Variants in STK32B observed in about 807,000 individuals in gnomAD.
STK32B encodes serine/threonine-protein kinase 32B.
Under a neutral mutation model 52.6 loss-of-function variants are expected in STK32B, and 43 were observed. The observed-to-expected ratio is 0.82, with a 90% CI of 0.64 to 1.05. The LOEUF (loss-of-function observed/expected upper bound fraction) is 1.05, where lower values mean the gene tolerates loss of function less well. STK32B is among the 50% of genes least tolerant of loss of function. STK32B has a pLI of 0.00. For missense variants in STK32B, 621 were observed against 534.6 expected (o/e 1.16, Z -1.59); for synonymous variants, 238 against 204.3 (o/e 1.17, Z -1.41).
intron 3 of STK32B, among the ~76,000 whole-genome samples, chr4:5,189,013 TTAAA>T (rs1209174064): frequency 1.3e-5 from 2 of 148,728 alleles, no homozygotes; most frequent in Non-Finnish European, 3.0e-5. Flanking sequence ...AAGGTATAAT[TTAAA>T]AAAAAAAAAG....
In STK32B at chr4:5,426,692, C is replaced by CAAAAAAAAA. The variant is rs746246839; in HGVS notation, c.562+9772_562+9780dup. On this transcript the variant is annotated intron_variant, in intron 6 of 11. Coordinates refer to ENST00000282908, the MANE Select transcript of STK32B (RefSeq NM_018401.3). ...GCAACAGGGCGAGACTCCATCTAAA[C>CAAAAAAAAA]AAAAAAAAAAAAAAAAAAAAAAGGA... is the stretch of plus-strand genomic sequence containing the variant. 1.4e-3 allele frequency among the ~76,000 whole-genome samples: 106 copies of CAAAAAAAAA among 77,924 alleles called. 1 individual carries two copies. The highest frequency in any genetic ancestry group is 2.3e-3 in the East Asian group (5 of 2,218). The allele number at this position is 77,924 out of a possible 152,430, so 51.1% of individuals were successfully genotyped here.
chr4:5,318,455 A>G (rs1335357552), intron 3 of STK32B, among the ~76,000 whole-genome samples: 1 of 152,134 alleles, frequency 6.6e-6, no homozygotes, highest in Admixed American at 6.5e-5. Context: ...AATGAAAGCC[A>G]AAATAAATAG....
intron 9 of STK32B, among the ~76,000 whole-genome samples, 169 bp from the exon 10 acceptor site, chr4:5,466,534 A>G (rs1346747348): frequency 6.6e-6 from 1 of 152,116 alleles, no homozygotes; most frequent in Non-Finnish European, 1.5e-5. Context: ...TACAGTGAGA[A>G]CGTGTTGCTT....
chr4:5,126,495 C>A (rs1348821268), intron 1 of STK32B, among the ~76,000 whole-genome samples: 2 of 152,252 alleles, frequency 1.3e-5, no homozygotes, highest in Non-Finnish European at 1.5e-5. Flanking sequence ...GCTACTCACA[C>A]TGCCCAGTGT....
rs902329958 is a variant in STK32B, at chr4:5,395,233, G to A, written c.435-2974G>A. On this transcript the variant is annotated intron_variant, in intron 4 of 11. Coordinates refer to ENST00000282908, the MANE Select transcript of STK32B (RefSeq NM_018401.3). The surrounding 1 kb of genome is among the most constrained non-coding windows in gnomAD (Gnocchi z 4.4). ...GAGTCATATAATGTAACATAATCCC[G>A]GGACTGCCATCCCACCAAGTTTGCC... Among the ~76,000 whole-genome samples, 8 of 152,086 alleles carry A rather than the reference G, an allele frequency of 5.3e-5. No homozygotes were observed. The highest frequency in any genetic ancestry group is 1.4e-4 in the African/African-American group (6 of 41,418).
chr4:5,452,758 A>AT (rs1349562921), intron 7 of STK32B, among the ~76,000 whole-genome samples: 1 of 152,072 alleles, frequency 6.6e-6, no homozygotes, highest in Non-Finnish European at 1.5e-5. Context: ...TCTGTCTTCT[A>AT]TTTTTTGGTA....
At chr4:5,230,152 CAGA>C (rs1560241800) in intron 3 of STK32B, among the ~76,000 whole-genome samples, 1 of 134,922 alleles carries the variant, frequency 7.4e-6, no homozygotes, top group African/African-American at 2.8e-5. Flanking sequence ...CTCTAGCAAA[CAGA>C]AGAACACTCA....
chr4:5,117,022 G>T (rs549793729), intron 1 of STK32B, among the ~76,000 whole-genome samples: 1 of 152,242 alleles, frequency 6.6e-6, no homozygotes, highest in African/African-American at 2.4e-5. Context: ...GAATTCATTT[G>T]TTAGTTTTAA....
chr4:5,427,045 G>T (rs913021380), intron 6 of STK32B: 1 of 152,184 alleles, frequency 6.6e-6, no homozygotes, highest in Non-Finnish European at 1.5e-5. Context: ...GGTTTTTGCA[G>T]TTCTTTATAA....
chr4:5,146,662 C>T (rs1716940803), intron 2 of STK32B, among the ~76,000 whole-genome samples: 1 of 152,202 alleles, frequency 6.6e-6, no homozygotes. Flanking sequence ...TTGCATCCTT[C>T]AATCCAGTCA....
chr4:5,170,649 T>C (rs1035922867), intron 3 of STK32B, among the ~76,000 whole-genome samples: 1 of 152,230 alleles, frequency 6.6e-6, no homozygotes, highest in African/African-American at 2.4e-5. Context: ...TCATCATTTT[T>C]AATGGCTGCA....
intron 5 of STK32B, among the ~76,000 whole-genome samples, chr4:5,406,750 G>C (rs1364994908): frequency 6.6e-6 from 1 of 152,150 alleles, no homozygotes; most frequent in African/African-American, 2.4e-5. Context: ...AGGTTAGGCA[G>C]GGCAGCAGAG....
chr4:5,400,588 T>C lies in STK32B; in HGVS notation c.472+2344T>C, dbSNP rs1322835751. 2.0e-5 allele frequency among the ~76,000 whole-genome samples: 3 copies of C among 152,262 alleles called. No individual in the cohort carries two copies. The South Asian group carries it at 6.2e-4, about 32-fold the overall frequency. On this transcript the variant is annotated intron_variant, in intron 5 of 11. Coordinates refer to ENST00000282908, the MANE Select transcript of STK32B (RefSeq NM_018401.3). The surrounding 1 kb of genome is among the most constrained non-coding windows in gnomAD (Gnocchi z 6.1). ...CTGTGAGGTGAATGGCTGATAACCC[T>C]TCCCCACTCCAACACTCAATGAGTG...
Position 5,261,150 on chromosome 4 carries a change from C to T in STK32B, c.261-70070C>T, listed in dbSNP as rs141267634. On this transcript the variant is annotated intron_variant, in intron 3 of 11. Transcript: ENST00000282908. ...GAGCCTGCAGTCCTATAAGGGGGTC[C>T]GGGTAGCACATCATGACATCCTTCA... Among the ~76,000 whole-genome samples, 410 of 152,174 alleles carry T rather than the reference C, an allele frequency of 2.7e-3. 3 individuals are homozygous for T. Among genetic ancestry groups the T allele is most frequent in the Admixed American group, 0.02 (309 of 15,284 alleles).
At chr4:5,123,770 A>G (rs1407415092) in intron 1 of STK32B, among the ~76,000 whole-genome samples, 1 of 152,062 alleles carries the variant, frequency 6.6e-6, no homozygotes, top group Non-Finnish European at 1.5e-5. Context: ...ATCCAGTCAC[A>G]TTCTGAGGTA....
At chr4:5,059,541 C>G (rs1031556578) in intron 1 of STK32B, among the ~76,000 whole-genome samples, 1 of 152,124 alleles carries the variant, frequency 6.6e-6, no homozygotes, top group Non-Finnish European at 1.5e-5. Flanking sequence ...ATCAACTTTT[C>G]ATTCTTGGGG....
intron 1 of STK32B, among the ~76,000 whole-genome samples, chr4:5,066,730 C>T (rs1742438512): frequency 1.3e-5 from 2 of 152,184 alleles, no homozygotes; most frequent in Admixed American, 1.3e-4. Context: ...TCTTCAACCA[C>T]ACAGCCATTC....
At chr4:5,275,293 A>G (rs1362764591) in intron 3 of STK32B, among the ~76,000 whole-genome samples, 1 of 152,264 alleles carries the variant, frequency 6.6e-6, no homozygotes, top group Non-Finnish European at 1.5e-5. Flanking sequence ...AGAGAGAGAT[A>G]GAACGAATTG....
intron 3 of STK32B, among the ~76,000 whole-genome samples, chr4:5,260,427 A>G (rs1726636331): frequency 6.6e-6 from 1 of 152,130 alleles, no homozygotes; most frequent in African/African-American, 2.4e-5. Flanking sequence ...ATGACAATAC[A>G]GTAAGATCAG....
Sources: allele counts gnomAD v4.1 joint callset (sites outside exome capture counted in the v4.1 genomes callset), GRCh38; gene constraint gnomAD v4.1.1; non-coding constraint Gnocchi (gnomAD v3.1); transcripts MANE v1.5; gene names NCBI Gene and HGNC (gene_info 2026-07-23, HGNC 2026-07-21).